Variants in KIAA1217 observed in about 807,000 individuals in gnomAD.
The protein encoded by KIAA1217 is sickle tail protein homolog.
In KIAA1217, 88 loss-of-function variants were observed where a neutral mutation model predicts 163.9. The ratio of observed to expected loss-of-function variants is 0.54; its 90% CI spans 0.45 to 0.64. The LOEUF (loss-of-function observed/expected upper bound fraction) is 0.64. KIAA1217 is among the 30% of genes least tolerant of loss of function. KIAA1217 has a pLI of 0.00. For missense variants in KIAA1217, 2,372 were observed against 2,475.0 expected, an observed-to-expected ratio of 0.96 and a Z score of 0.88; for synonymous variants, 903 against 923.1, an observed-to-expected ratio of 0.98 and a Z score of 0.39.
At chr10:24,059,259 T>C (rs913029114) in intron 2 of KIAA1217, among the ~76,000 whole-genome samples, 4 of 152,144 alleles carry the variant, frequency 2.6e-5, no homozygotes, top group South Asian at 2.1e-4. Flanking sequence ...CCTTTTAGTG[T>C]GGTGTTGAAT....
chr10:24,451,081 G>A (rs564834383), intron 5 of KIAA1217, among the ~76,000 whole-genome samples: 1 of 152,262 alleles, frequency 6.6e-6, no homozygotes, highest in African/African-American at 2.4e-5. Context: ...AATGAAAACA[G>A]TGAACATCAG....
At chr10:24,540,365 C>T (rs1408895436) in intron 17 of KIAA1217, among the ~76,000 whole-genome samples, 2 of 152,192 alleles carry the variant, frequency 1.3e-5, no homozygotes, top group Non-Finnish European at 2.9e-5. Flanking sequence ...TCCTGAGTAG[C>T]TGGGATTATA....
At chr10:24,343,184 T>C (rs1031210723) in intron 2 of KIAA1217, among the ~76,000 whole-genome samples, 2 of 152,218 alleles carry the variant, frequency 1.3e-5, no homozygotes, top group Admixed American at 6.5e-5. Flanking sequence ...AAAGGTAGAA[T>C]TGATTGTTCA....
At chr10:24,057,286 A>G (rs373785769) in intron 2 of KIAA1217, among the ~76,000 whole-genome samples, 2 of 152,316 alleles carry the variant, frequency 1.3e-5, no homozygotes, top group East Asian at 1.9e-4. Context: ...ATGGCAACAT[A>G]ACACGTGATC....
chr10:24,173,128 T>G (rs1472624888), intron 2 of KIAA1217, among the ~76,000 whole-genome samples: 1 of 152,084 alleles, frequency 6.6e-6, no homozygotes, highest in Non-Finnish European at 1.5e-5. Context: ...GAGCTCCACC[T>G]CCTGTCAGAT....
chr10:24,328,781 A>G (rs17384570), intron 2 of KIAA1217, among the ~76,000 whole-genome samples: 6,770 of 151,864 alleles, frequency 0.045, 202 homozygotes, highest in South Asian at 0.083. Context: ...GTTTGATTCT[A>G]TGCACTGAGC....
chr10:23,943,558 A>T (rs1488562362), intron 1 of KIAA1217, among the ~76,000 whole-genome samples: 5 of 152,352 alleles, frequency 3.3e-5, no homozygotes, highest in Non-Finnish European at 7.4e-5. Context: ...ATTTATCCAT[A>T]GATTTGGTGC....
intron 1 of KIAA1217, among the ~76,000 whole-genome samples, chr10:23,763,390 G>A (rs1426280925): frequency 1.3e-5 from 2 of 152,170 alleles, no homozygotes; most frequent in African/African-American, 4.8e-5. Flanking sequence ...AACCAAAACA[G>A]CATGGTACTG....
chr10:24,325,858 A>T (rs2044809661), intron 2 of KIAA1217, among the ~76,000 whole-genome samples: 1 of 152,244 alleles, frequency 6.6e-6, no homozygotes, highest in African/African-American at 2.4e-5. Flanking sequence ...CAATTTCAGA[A>T]TTCAGCAGGA....
Position 23,784,968 on chromosome 10 carries a change from T to C in KIAA1217, c.-321+89734T>C, listed in dbSNP as rs181828268. The stretch of plus-strand genomic sequence containing the variant: ...CCAACGCTTTTGAACAATTTTGCTA[T>C]CTCTGGGCTTACTTCCTTTCAAGCT... On this transcript the variant is annotated intron_variant, in intron 1 of 18. Coordinates refer to the KIAA1217 transcript ENST00000376462. Among the ~76,000 whole-genome samples, 220 of 152,294 alleles carry C rather than the reference T, an allele frequency of 1.4e-3. 5 individuals are homozygous for C. Among genetic ancestry groups the C allele is most frequent in the Middle Eastern group, 0.014 (4 of 294 alleles).
intron 1 of KIAA1217, among the ~76,000 whole-genome samples, chr10:23,811,678 G>C (rs1268324301): frequency 2.6e-5 from 4 of 151,948 alleles, no homozygotes; most frequent in Non-Finnish European, 5.9e-5. Context: ...GATGGTGAAG[G>C]CAAGAACCAG....
chr10:23,758,630 C>CTCTCTA (rs1834051123), intron 1 of KIAA1217, among the ~76,000 whole-genome samples: 2 of 138,572 alleles, frequency 1.4e-5, no homozygotes, highest in African/African-American at 5.7e-5. Context: ...CTTACTTTCT[C>CTCTCTA]TCTCTCTCTC....
At chr10:23,769,856 A>G (rs1834717788) in intron 1 of KIAA1217, among the ~76,000 whole-genome samples, 1 of 152,156 alleles carries the variant, frequency 6.6e-6, no homozygotes, top group African/African-American at 2.4e-5. Flanking sequence ...CAACTTTCTC[A>G]CAGATTTTGC....
At chr10:23,748,734 C>T (rs1322526388) in intron 1 of KIAA1217, among the ~76,000 whole-genome samples, 3 of 152,054 alleles carry the variant, frequency 2.0e-5, no homozygotes, top group Middle Eastern at 3.2e-3. Context: ...TTTCTTCTTC[C>T]TCTTATCCAC....
chr10:23,924,924 T>C (rs1388171827), intron 1 of KIAA1217, among the ~76,000 whole-genome samples: 1 of 149,022 alleles, frequency 6.7e-6, no homozygotes, highest in African/African-American at 2.6e-5. Flanking sequence ...ATTTTAGAAA[T>C]TTTTAAAAGT....
intron 2 of KIAA1217, among the ~76,000 whole-genome samples, chr10:24,266,358 C>T (rs887944176): frequency 6.6e-6 from 1 of 152,168 alleles, no homozygotes; most frequent in African/African-American, 2.4e-5. Flanking sequence ...CAATTACAGG[C>T]GTGAGCCACC....
intron 2 of KIAA1217, among the ~76,000 whole-genome samples, chr10:24,281,517 T>C (rs1466602419): frequency 1.3e-5 from 2 of 152,192 alleles, no homozygotes; most frequent in Non-Finnish European, 1.5e-5. Flanking sequence ...TTTCATATAT[T>C]TATGATACAG....
Position 24,151,788 on chromosome 10 carries a change from G to A in KIAA1217, c.-170-67838G>A, listed in dbSNP as rs1489773524. ...CTTTTACAGCTACATAGACTTAGGG[G>A]GAGGATTTAACCAATCCTCTCATTT... On this transcript the variant is annotated intron_variant, in intron 2 of 18. Coordinates refer to the KIAA1217 transcript ENST00000376462. Among the ~76,000 whole-genome samples, 4 of 151,746 alleles carry A rather than the reference G, an allele frequency of 2.6e-5. No homozygotes were observed. In the East Asian group the frequency reaches 7.8e-4, roughly 29 times the overall value.
chr10:24,393,024 G>T (rs957037106), intron 3 of KIAA1217, among the ~76,000 whole-genome samples: 1 of 151,664 alleles, frequency 6.6e-6, no homozygotes, highest in African/African-American at 2.4e-5. Context: ...TATTTAACTC[G>T]ATACAAGTTC....
Sources: gnomAD v4.1 joint callset for allele counts (sites outside exome capture counted in the v4.1 genomes callset) on GRCh38, gnomAD v4.1.1 for gene constraint, MANE v1.5 for transcripts, NCBI Gene and HGNC (gene_info 2026-07-23, HGNC 2026-07-21) for gene names.